Variants in BRF2 observed in about 807,000 individuals in gnomAD.
BRF2 encodes transcription factor IIIB 50 kDa subunit.
BRF2 carries 17 observed loss-of-function variants against 26.6 expected under a neutral mutation model. The observed-to-expected ratio is 0.64, with a 90% confidence interval of 0.44 to 0.96. The LOEUF (loss-of-function observed/expected upper bound fraction) is 0.96, where lower values mean the gene tolerates loss of function less well. BRF2 is among the 40% of genes least tolerant of loss of function. The pLI is 0.00. For missense variants in BRF2, 515 were observed against 537.0 expected (o/e 0.96, Z 0.40); for synonymous variants, 219 against 226.6 (o/e 0.97, Z 0.30).
chr8:37,844,813 G>T lies in BRF2; in HGVS notation c.937C>A (p.Arg313=), dbSNP rs145626361. The change falls in exon 4 of 4, where the codon CGG becomes AGG. Residue 313 remains arginine (R), a synonymous_variant. Coordinates refer to ENST00000220659, the MANE Select transcript of BRF2 (RefSeq NM_018310.4). ...GTCTCCACTTCTGCTGTCCCATCCCGAAAGGCAGAGCGGACCAGTGACTGG... is the reference window on the plus strand; with the variant it reads ...GTCTCCACTTCTGCTGTCCCATCCCTAAAGGCAGAGCGGACCAGTGACTGG... ...HRQSLVRSAF[R]DGTAEVETRE... The T allele has an allele frequency of 6.2e-7, 1 of 1,614,082 alleles. No homozygotes were observed. The highest frequency in any genetic ancestry group is 8.5e-7 in the Non-Finnish European group (1 of 1,180,032).
rs577509397 is a variant in BRF2 at position 37,845,663 on chromosome 8, C to T, written c.537-450G>A. The T allele has an allele frequency of 2.9e-4, 201 of 695,758 alleles. 3 individuals carry two copies. Among genetic ancestry groups the T allele is most frequent in the South Asian group, 2.7e-3 (176 of 66,022 alleles). 43.1% of individuals were successfully genotyped at this position (695,758 alleles called of 1,614,324 possible). ...TACTTCAAATGAGAAAAGAGCCAGG[C>T]GCAGTGCTCACGCCTGTAATACCTG... On this transcript the variant is annotated intron_variant, in intron 3 of 3. Transcript: ENST00000220659.
intron 3 of BRF2, 143 bp downstream of exon 3, chr8:37,846,711 G>A (rs1289659338): frequency 3.0e-5 from 20 of 677,924 alleles, no homozygotes; most frequent in Non-Finnish European, 4.9e-5. Flanking sequence ...AGGTTGCAGT[G>A]AGCTGAGATC....
In BRF2 at chr8:37,845,233, G is replaced by T; in HGVS notation, c.537-20C>A. 6.3e-7 allele frequency: 1 copy of T among 1,593,156 alleles called. No homozygotes were observed. Among genetic ancestry groups the T allele is most frequent in the Non-Finnish European group, 8.6e-7 (1 of 1,163,488 alleles). On this transcript the variant is annotated intron_variant, in intron 3 of 3. Coordinates refer to ENST00000220659, the MANE Select transcript of BRF2 (RefSeq NM_018310.4). ...TTGAAGCTGAAATAACCAAAATGAG[G>T]GTTGGATCTTAATGATATAGGGGCT... is the stretch of plus-strand genomic sequence containing the variant.
chr8:37,844,968 G>A lies in BRF2; in HGVS notation c.782C>T (p.Pro261Leu), dbSNP rs141695080. 27 of 1,613,916 alleles carry A rather than the reference G, an allele frequency of 1.7e-5. No homozygotes were observed. The highest frequency in any genetic ancestry group is 4.5e-5 in the East Asian group (2 of 44,890). Residue 261 changes from proline to leucine, a missense_variant, in exon 4 of 4, where the codon CCG becomes CTG. Physicochemically the swap from Pro to Leu is moderately conservative, Grantham distance 98 (BLOSUM62 -3). Transcript: ENST00000220659. ...CKLANVDLPY[P>L]ASSRLQELLA... ...CAGCTCCTGCAGGCGGGAGGACGCC[G>A]GGTAGGGCAGGTCCACATTTGCCAA...
rs993297258 is a variant in BRF2 at position 37,843,739 on chromosome 8, G to C, written c.*751C>G. The stretch of plus-strand genomic sequence containing the variant: ...TTATGCTTGCTGCACAGACATATTA[G>C]AAGAAAAAAAAAAGCTTTGTATTAT... On this transcript the variant is annotated 3_prime_UTR_variant, in exon 4 of 4. Coordinates refer to ENST00000220659, the MANE Select transcript of BRF2 (RefSeq NM_018310.4). 6.6e-6 allele frequency: 1 copy of C among 151,214 alleles called. No homozygotes were observed. Among genetic ancestry groups the C allele is most frequent in the Non-Finnish European group, 1.5e-5 (1 of 67,748 alleles). The allele number at this position is 151,214 out of a possible 1,614,324, so 9.4% of individuals were successfully genotyped here.
intron 3 of BRF2, chr8:37,845,717 G>A (rs1248516233): frequency 1.9e-5 from 13 of 699,770 alleles, no homozygotes; most frequent in African/African-American, 5.3e-5. Context: ...TGGGCAGATC[G>A]CTTGAGCCCA....
chr8:37,847,634 ATTC>A (rs953946172), intron 2 of BRF2, among the ~76,000 whole-genome samples: 4 of 152,094 alleles, frequency 2.6e-5, no homozygotes, highest in Non-Finnish European at 4.4e-5. Flanking sequence ...GGTTTAAGTG[ATTC>A]TCCTGCCTCA....
chr8:37,848,624 G>C lies in BRF2; in HGVS notation c.186C>G (p.Asn62Lys). 1 of 1,614,076 alleles carries C rather than the reference G, an allele frequency of 6.2e-7. No homozygotes were observed. Among genetic ancestry groups the C allele is most frequent in the Non-Finnish European group, 8.5e-7 (1 of 1,179,958 alleles). The change falls in exon 2 of 4, where the codon AAC (asparagine) becomes AAG (lysine). Residue 62 changes from asparagine (N) to lysine (K), a missense_variant. Asn to Lys is a moderately conservative substitution (Grantham distance 94). Transcript: ENST00000220659. Reference protein sequence around the residue: ...EVTYSRSTGENEQVSRSQQRG... With the variant: ...EVTYSRSTGEKEQVSRSQQRG... ...GTTGCTGGCTGCGACTAACTTGTTC[G>C]TTTTCCCCTGTGCTTCGGGAATATG...
chr8:37,844,799 T>A lies in BRF2; in HGVS notation c.951A>T (p.Ala317=). Residue 317 remains alanine, a synonymous_variant, in exon 4 of 4, where the codon GCA becomes GCT. Coordinates refer to ENST00000220659, the MANE Select transcript of BRF2 (RefSeq NM_018310.4). ...GCTCCTTCTCTCGGGTCTCCACTTC[T>A]GCTGTCCCATCCCGAAAGGCAGAGC... ...LVRSAFRDGT[A]EVETREKEPP... The A allele has an allele frequency of 6.2e-7, 1 of 1,614,172 alleles. No individual in the cohort carries two copies. The highest frequency in any genetic ancestry group is 8.5e-7 in the Non-Finnish European group (1 of 1,180,022).
In BRF2 at chr8:37,846,931, G is replaced by GT. The variant is rs768273994; in HGVS notation, c.458dup (p.Tyr153Ter). 18 of 1,614,036 alleles carry GT rather than the reference G, an allele frequency of 1.1e-5. No homozygotes were observed. The East Asian group carries it at 4.0e-4, about 36-fold the overall frequency. The change falls in exon 3 of 4, where the codon TAC becomes TAAC. Residue 153 changes from tyrosine to a stop codon, truncating the protein, a stop_gained and frameshift_variant. Coordinates refer to ENST00000220659, the MANE Select transcript of BRF2 (RefSeq NM_018310.4). LOFTEE classifies it high-confidence loss of function. The part of the protein sequence containing the change: ...YADLDVFSST[Y>*]MQIVKLLGLD... ...GTCCCAGGAGCTTCACTATCTGCATGTAAGTGCTAGAAAACACATCCAAAT... is the reference window on the plus strand; with the variant it reads ...GTCCCAGGAGCTTCACTATCTGCATGTTAAGTGCTAGAAAACACATCCAAAT...
In BRF2 at chr8:37,844,935, ACAGCCAG is replaced by A; in HGVS notation, c.808_814del (p.Leu270CysfsTer15). On this transcript the variant is annotated frameshift_variant, in exon 4 of 4. Transcript: ENST00000220659. LOFTEE classifies it low-confidence loss of function (END_TRUNC). ...CAGCTGCTCAGCCATCCGCAGCAGC[ACAGCCAG>A]CAGCTCCTGCAGGCGGGAGGACGCC... The A allele has an allele frequency of 6.2e-7, 1 of 1,614,166 alleles. No homozygotes were observed. Among genetic ancestry groups the A allele is most frequent in the South Asian group, 1.1e-5 (1 of 91,088 alleles).
intron 2 of BRF2, 125 bp from the exon 3 acceptor site, chr8:37,847,300 T>C (rs767024360): frequency 2.3e-5 from 18 of 787,612 alleles, no homozygotes; most frequent in Non-Finnish European, 3.7e-5. Flanking sequence ...ACAAATTATG[T>C]ACCTTTCTGC....
chr8:37,847,026 C>T lies in BRF2; in HGVS notation c.364G>A (p.Val122Ile), dbSNP rs561222041. Reference sequence around the variant, plus strand: ...TTATGCTGTCGGCAGGTGATTAAGACGCAGCACCCAACCAACACCTCCTTC... The same window carrying T: ...TTATGCTGTCGGCAGGTGATTAAGATGCAGCACCCAACCAACACCTCCTTC... The part of the protein sequence containing the change: ...QKKEVLVGCC[V>I]LITCRQHNWP... The change falls in exon 3 of 4, where the codon GTC (valine) becomes ATC (isoleucine). Residue 122 changes from valine (V) to isoleucine (I), a missense_variant. Coordinates refer to ENST00000220659, the MANE Select transcript of BRF2 (RefSeq NM_018310.4). 15 of 1,614,210 alleles carry T rather than the reference C, an allele frequency of 9.3e-6. No individual in the cohort carries two copies. The highest frequency in any genetic ancestry group is 2.7e-5 in the African/African-American group (2 of 75,052).
At chr8:37,848,037 C>T (rs2130093889) in intron 2 of BRF2, among the ~76,000 whole-genome samples, 1 of 151,328 alleles carries the variant, frequency 6.6e-6, no homozygotes, top group African/African-American at 2.4e-5. Flanking sequence ...GCAAGCTCCG[C>T]CTCCCGGGTT....
intron 1 of BRF2, among the ~76,000 whole-genome samples, chr8:37,849,159 A>C (rs528993555): frequency 6.6e-6 from 1 of 152,302 alleles, no homozygotes; most frequent in African/African-American, 2.4e-5. Context: ...CCTGGGCTCA[A>C]GCAATCCTCT....
At chr8:37,846,750 A>G in intron 3 of BRF2, 104 bp downstream of exon 3, 2 of 822,028 alleles carry the variant, frequency 2.4e-6, no homozygotes, top group South Asian at 3.3e-5. Context: ...CTGGGTGATA[A>G]GAGCAAGACT....
Position 37,844,526 on chromosome 8 carries a change from A to G in BRF2, c.1224T>C (p.Ala408=), listed in dbSNP as rs141345038. 67 of 1,613,706 alleles carry G rather than the reference A, an allele frequency of 4.2e-5. No homozygotes were observed. Among genetic ancestry groups the G allele is most frequent in the African/African-American group, 3.9e-4 (29 of 75,034 alleles). ...TAGGGACACTCGTGGCAGCCTGTCT[A>G]GCAGCCTGGGCTCTCTGAAAGTCCC... The part of the protein sequence containing the change: ...EVRDFQRAQA[A]RQAATSVPNP... The change falls in exon 4 of 4, where the codon GCT becomes GCC. Residue 408 remains alanine (A), a synonymous_variant. Coordinates refer to ENST00000220659, the MANE Select transcript of BRF2 (RefSeq NM_018310.4).
In BRF2 at chr8:37,847,126, T is replaced by C. The variant is rs369108976; in HGVS notation, c.264A>G (p.Thr88=). The change falls in exon 3 of 4, where the codon ACA becomes ACG. Residue 88 remains threonine (T), a synonymous_variant. Coordinates refer to ENST00000220659, the MANE Select transcript of BRF2 (RefSeq NM_018310.4). ...DLCRVLQLPP[T]FEDTAVAYYQ... is the part of the protein sequence containing the mutation. ...AGTAGGCAACCGCGGTATCCTCAAA[T>C]GTTGGTGGCAACTGCAGAACTCGAC... 4 of 1,614,198 alleles carry C rather than the reference T, an allele frequency of 2.5e-6. No homozygotes were observed. Among genetic ancestry groups the C allele is most frequent in the African/African-American group, 1.3e-5 (1 of 75,058 alleles).
intron 2 of BRF2, among the ~76,000 whole-genome samples, chr8:37,848,328 C>T (rs773994778): frequency 4.6e-5 from 7 of 151,482 alleles, no homozygotes; most frequent in Non-Finnish European, 1.0e-4. Context: ...CTCACTGCAA[C>T]CTCCACCTCC....
Sources: allele counts gnomAD v4.1 joint callset (sites outside exome capture counted in the v4.1 genomes callset), GRCh38; gene constraint gnomAD v4.1.1; transcripts MANE v1.5; gene names NCBI Gene and HGNC (gene_info 2026-07-23, HGNC 2026-07-21).